Variants in FNIP2 observed in about 807,000 individuals in gnomAD.
FNIP2 encodes folliculin-interacting protein 2.
FNIP2 carries 32 observed loss-of-function variants against 108.7 expected under a neutral mutation model. The observed-to-expected ratio is 0.29, with a 90% CI of 0.22 to 0.40. The LOEUF is 0.40. Among genes scored for constraint, FNIP2 ranks in the 10% least tolerant of loss-of-function variants. The probability of loss-of-function intolerance (pLI) is 1.00; values close to 1 mark genes in which losing one functional copy is unlikely to be tolerated. For missense variants in FNIP2, 1,202 were observed against 1,381.6 expected (o/e 0.87, Z 2.06); for synonymous variants, 480 against 496.7 (o/e 0.97, Z 0.45).
chr4:158,833,580 A>G lies in FNIP2; in HGVS notation c.607A>G (p.Asn203Asp). The stretch of plus-strand genomic sequence containing the variant: ...CCAAGATCCTAATTTGGGAAAACTG[A>G]ACACAAATCAAAATAGTTTGGGTCC... ...INQDPNLGKL[N>D]TNQNSLGPCR... is the part of the protein sequence containing the mutation. The change falls in exon 6 of 17, where the codon AAC becomes GAC. Residue 203 changes from asparagine to aspartate, a missense_variant. Asn to Asp is a conservative substitution (Grantham distance 23). Coordinates refer to ENST00000264433, the MANE Select transcript of FNIP2 (RefSeq NM_020840.3). The G allele has an allele frequency of 6.2e-7, 1 of 1,610,930 alleles. No individual in the cohort carries two copies. The highest frequency in any genetic ancestry group is 8.5e-7 in the Non-Finnish European group (1 of 1,179,138).
intron 1 of FNIP2, among the ~76,000 whole-genome samples, chr4:158,813,166 A>C (rs1004161175): frequency 3.3e-5 from 5 of 152,188 alleles, no homozygotes; most frequent in African/African-American, 1.2e-4. Flanking sequence ...TTATGAATAA[A>C]GCTCCTATAC....
chr4:158,829,067 C>T lies in FNIP2; in HGVS notation c.235-12C>T, dbSNP rs368977286. On this transcript the variant is annotated splice_polypyrimidine_tract_variant and intron_variant, in intron 2 of 16. Transcript: ENST00000264433. Reference sequence around the variant, plus strand: ...TAGTAATCTTTTACCTTGCCTGTCTCTCTTAACCTAGAAAACAGAGGATGT... The same window carrying T: ...TAGTAATCTTTTACCTTGCCTGTCTTTCTTAACCTAGAAAACAGAGGATGT... 55 of 1,596,184 alleles carry T rather than the reference C, an allele frequency of 3.4e-5. No individual in the cohort carries two copies. Among genetic ancestry groups the T allele is most frequent in the Non-Finnish European group, 4.4e-5 (52 of 1,170,636 alleles).
intron 12 of FNIP2, among the ~76,000 whole-genome samples, chr4:158,864,654 T>C (rs1780480917): frequency 1.3e-5 from 2 of 152,190 alleles, no homozygotes; most frequent in African/African-American, 4.8e-5. Context: ...TTCTAAATTC[T>C]CTCAGCTTCT....
At chr4:158,861,815 TGGAATA>T (rs1560810093) in intron 12 of FNIP2, 39 bp downstream of exon 12, 2 of 1,602,964 alleles carry the variant, frequency 1.2e-6, no homozygotes, top group Non-Finnish European at 1.7e-6. Context: ...ATATATGGGA[TGGAATA>T]GGAAAAAAAT....
chr4:158,815,014 C>T (rs1403043175), intron 1 of FNIP2, among the ~76,000 whole-genome samples: 3 of 152,218 alleles, frequency 2.0e-5, no homozygotes, highest in South Asian at 2.1e-4. Flanking sequence ...TACAGTCACA[C>T]GGCTTAATAT....
At chr4:158,876,676 A>G (rs1781299942) in intron 14 of FNIP2, among the ~76,000 whole-genome samples, 1 of 152,294 alleles carries the variant, frequency 6.6e-6, no homozygotes, top group East Asian at 1.9e-4. Context: ...TTTTCCTTAT[A>G]TTCCCAGCAC....
chr4:158,856,109 A>G (rs1779969192), intron 8 of FNIP2, among the ~76,000 whole-genome samples: 1 of 152,184 alleles, frequency 6.6e-6, no homozygotes, highest in Admixed American at 6.5e-5. Flanking sequence ...GGGCTTGGGC[A>G]TCTAACAGCT....
At chr4:158,856,145 G>C (rs943577853) in intron 8 of FNIP2, among the ~76,000 whole-genome samples, 1 of 152,128 alleles carries the variant, frequency 6.6e-6, no homozygotes, top group South Asian at 2.1e-4. Flanking sequence ...ATCACTTACC[G>C]AGGCAATTGA....
chr4:158,775,603 AC>A (rs1775835756), intron 1 of FNIP2, among the ~76,000 whole-genome samples: 1 of 152,040 alleles, frequency 6.6e-6, no homozygotes, highest in Admixed American at 6.6e-5. Context: ...ATGGGCTGGC[AC>A]CCCACTTGTG....
At position 158,906,814 on chromosome 4, in the gene FNIP2, A is replaced by G. The variant is rs1429347610; in HGVS notation, c.*2270A>G. 6.6e-6 allele frequency: 1 copy of G among 152,198 alleles called. No individual in the cohort carries two copies. The highest frequency in any genetic ancestry group is 1.5e-5 in the Non-Finnish European group (1 of 68,038). 9.4% of individuals were successfully genotyped at this position (152,198 alleles called of 1,614,324 possible). On this transcript the variant is annotated 3_prime_UTR_variant, in exon 17 of 17. Transcript: ENST00000264433. ...CTTCCTAAAAGCAAAAAAGAAAAAA[A>G]AAACCTCACAGAATTGTGTTGAGAT...
rs1729697172 is a variant in FNIP2 at position 158,904,905 on chromosome 4, C to T, written c.*361C>T. On this transcript the variant is annotated 3_prime_UTR_variant, in exon 17 of 17. Transcript: ENST00000264433. Reference sequence around the variant, plus strand: ...CAAGTGACTTGAGCGGGGTGGTCAGCAGTGTACATAATATTCCAGTAGGAA... The same window carrying T: ...CAAGTGACTTGAGCGGGGTGGTCAGTAGTGTACATAATATTCCAGTAGGAA... The T allele has an allele frequency of 4.9e-6, 1 of 202,806 alleles. No individual in the cohort carries two copies. Among genetic ancestry groups the T allele is most frequent in the Non-Finnish European group, 1.0e-5 (1 of 97,660 alleles). The allele number at this position is 202,806 out of a possible 1,614,324, so 12.6% of individuals were successfully genotyped here.
chr4:158,824,656 A>G, intron 1 of FNIP2, among the ~76,000 whole-genome samples: 1 of 152,176 alleles, frequency 6.6e-6, no homozygotes, highest in Non-Finnish European at 1.5e-5. Context: ...CTTAACAGCC[A>G]GATTGAACTT....
intron 7 of FNIP2, among the ~76,000 whole-genome samples, chr4:158,843,459 A>T (rs1441772260): frequency 6.6e-6 from 1 of 152,202 alleles, no homozygotes; most frequent in Non-Finnish European, 1.5e-5. Flanking sequence ...CTAGGATATG[A>T]GAATAGATCA....
intron 1 of FNIP2, among the ~76,000 whole-genome samples, chr4:158,790,139 T>C (rs1485511398): frequency 6.6e-6 from 1 of 151,790 alleles, no homozygotes; most frequent in Admixed American, 6.5e-5. Flanking sequence ...CATAAGTGAA[T>C]TTTATGTTGA....
Position 158,769,198 on chromosome 4 carries a change from T to C in FNIP2, c.-15T>C. On this transcript the variant is annotated 5_prime_UTR_variant, in exon 1 of 17. Coordinates refer to ENST00000264433, the MANE Select transcript of FNIP2 (RefSeq NM_020840.3). ...GCCCCCCGAGCGCCACGGCCGGAGC[T>C]GCGGCGGCGGCATCATGGCCCCGAC... The C allele has an allele frequency of 7.3e-7, 1 of 1,366,048 alleles. No individual in the cohort carries two copies. The highest frequency in any genetic ancestry group is 9.6e-7 in the Non-Finnish European group (1 of 1,045,938). 84.6% of individuals were successfully genotyped at this position (1,366,048 alleles called of 1,614,324 possible). A position where few individuals can be genotyped will look rare whatever the true frequency, so the allele number is the denominator to read the frequency against.
chr4:158,904,348 A>AATG (rs1389804187), intron 16 of FNIP2, 118 bp from the exon 17 acceptor site: 4 of 885,824 alleles, frequency 4.5e-6, no homozygotes, highest in Non-Finnish European at 6.9e-6. Flanking sequence ...ATTAGTTTTA[A>AATG]ATGATAATCT....
At chr4:158,809,256 C>T (rs1462166515) in intron 1 of FNIP2, among the ~76,000 whole-genome samples, 2 of 152,084 alleles carry the variant, frequency 1.3e-5, no homozygotes, top group African/African-American at 2.4e-5. Context: ...GTCAGGAGTT[C>T]GAGATCAGCC....
intron 2 of FNIP2, among the ~76,000 whole-genome samples, chr4:158,827,752 A>G (rs1190483083): frequency 6.6e-6 from 1 of 152,200 alleles, no homozygotes; most frequent in Non-Finnish European, 1.5e-5. Context: ...TTTGAATGCC[A>G]TCATTGCTGG....
At position 158,829,116 on chromosome 4, in the gene FNIP2, G is replaced by A; in HGVS notation, c.272G>A (p.Cys91Tyr). Reference protein sequence around the residue: ...EDVPIKISAKCCQGSSSVSSS... With the variant: ...EDVPIKISAKYCQGSSSVSSS... ...GTTCCTATTAAAATATCAGCCAAGTGCTGCCAGGGAAGCAGCAGTGTCAGC... is the reference window on the plus strand; with the variant it reads ...GTTCCTATTAAAATATCAGCCAAGTACTGCCAGGGAAGCAGCAGTGTCAGC... Residue 91 changes from cysteine (C) to tyrosine (Y), a missense_variant, in exon 3 of 17, where the codon TGC (cysteine) becomes TAC (tyrosine). Transcript: ENST00000264433. The A allele has an allele frequency of 3.1e-6, 5 of 1,612,228 alleles. No individual in the cohort carries two copies. Among genetic ancestry groups the A allele is most frequent in the Non-Finnish European group, 4.2e-6 (5 of 1,179,144 alleles).
Sources: allele counts gnomAD v4.1 joint callset (sites outside exome capture counted in the v4.1 genomes callset), GRCh38; gene constraint gnomAD v4.1.1; transcripts MANE v1.5; gene names NCBI Gene and HGNC (gene_info 2026-07-23, HGNC 2026-07-21).